FAM168A: variants seen among roughly 807,000 people sequenced by gnomAD.
The protein encoded by FAM168A is protein FAM168A.
In FAM168A, 3 loss-of-function variants were observed where a neutral mutation model predicts 28.5. The ratio of observed to expected loss-of-function variants is 0.11; its 90% CI spans 0.05 to 0.27. FAM168A has a LOEUF of 0.27. Ranked by LOEUF, FAM168A falls within the 10% of genes least tolerant of loss-of-function variation. The pLI is 1.00. For synonymous variants in FAM168A, 122 were observed against 124.2 expected (o/e 0.98, Z 0.12); for missense variants, 222 against 311.5 (o/e 0.71, Z 2.16).
intron 1 of FAM168A, among the ~76,000 whole-genome samples, chr11:73,588,713 A>G (rs1480478764): frequency 2.0e-5 from 3 of 152,178 alleles, no homozygotes; most frequent in Non-Finnish European, 4.4e-5. Context: ...CAATAACTCA[A>G]TAATATAGAC....
intron 1 of FAM168A, among the ~76,000 whole-genome samples, chr11:73,586,189 A>G (rs1478618552): frequency 6.6e-6 from 1 of 152,182 alleles, no homozygotes; most frequent in East Asian, 1.9e-4. Context: ...GGAGGCAGAA[A>G]AGTCTGGGGA....
At chr11:73,448,874 C>T (rs938514032) in intron 2 of FAM168A, among the ~76,000 whole-genome samples, 4 of 152,192 alleles carry the variant, frequency 2.6e-5, no homozygotes, top group Non-Finnish European at 5.9e-5. Flanking sequence ...GACCTTCAGA[C>T]TTCTTTTTAT....
At chr11:73,407,955 T>A (rs1047992991) in intron 6 of FAM168A, among the ~76,000 whole-genome samples, 1 of 152,226 alleles carries the variant, frequency 6.6e-6, no homozygotes, top group African/African-American at 2.4e-5. Flanking sequence ...CACTGCAGCC[T>A]CTGCCTCCTG....
At chr11:73,413,883 C>T (rs7937066) in intron 4 of FAM168A, among the ~76,000 whole-genome samples, 46,451 of 151,982 alleles carry the variant, frequency 0.31, 9,471 homozygotes, top group African/African-American at 0.58. Flanking sequence ...CTGGGTAACA[C>T]AGACAGACTA....
At chr11:73,408,423 A>C (rs1009394454) in intron 6 of FAM168A, among the ~76,000 whole-genome samples, 5 of 152,184 alleles carry the variant, frequency 3.3e-5, no homozygotes, top group African/African-American at 1.2e-4. Context: ...AATAAAATCC[A>C]AATGCTCACT....
intron 2 of FAM168A, among the ~76,000 whole-genome samples, chr11:73,441,263 TG>T (rs1452578221): frequency 6.6e-6 from 1 of 152,168 alleles, no homozygotes; most frequent in Non-Finnish European, 1.5e-5. Context: ...TTCACCACGT[TG>T]GCCAAGATGG....
chr11:73,585,871 C>CAA (rs11358691), intron 1 of FAM168A, among the ~76,000 whole-genome samples: 32 of 81,658 alleles, frequency 3.9e-4, no homozygotes, highest in Non-Finnish European at 4.6e-4. Context: ...CCATCTCAAA[C>CAA]AAAAAAAAAA....
chr11:73,446,000 A>G (rs1867305992), intron 2 of FAM168A, among the ~76,000 whole-genome samples: 1 of 152,236 alleles, frequency 6.6e-6, no homozygotes, highest in Non-Finnish European at 1.5e-5. Context: ...AAGAGAATGA[A>G]GGTAGGGAAA....
chr11:73,408,894 C>G (rs1453719279), intron 6 of FAM168A, among the ~76,000 whole-genome samples: 1 of 152,014 alleles, frequency 6.6e-6, no homozygotes, highest in Non-Finnish European at 1.5e-5. Context: ...AAGAACATTG[C>G]CCCTGTGTCT....
intron 2 of FAM168A, among the ~76,000 whole-genome samples, chr11:73,435,216 G>A (rs1177144865): frequency 6.6e-6 from 1 of 152,190 alleles, no homozygotes; most frequent in Non-Finnish European, 1.5e-5. Flanking sequence ...TTTTAGAACT[G>A]AGGTAGCTAA....
chr11:73,440,260 A>G (rs2134527434), intron 2 of FAM168A, among the ~76,000 whole-genome samples: 1 of 152,304 alleles, frequency 6.6e-6, no homozygotes, highest in South Asian at 2.1e-4. Flanking sequence ...AACAAAATAT[A>G]TTAGAACACT....
At chr11:73,517,615 T>A (rs1252380646) in intron 1 of FAM168A, among the ~76,000 whole-genome samples, 2 of 152,104 alleles carry the variant, frequency 1.3e-5, no homozygotes, top group Non-Finnish European at 2.9e-5. Flanking sequence ...ACTCCTAACA[T>A]GCAGAAATAA....
At position 73,570,011 on chromosome 11, in the gene FAM168A, T is replaced by C. The variant is rs76752351; in HGVS notation, c.-19+27912A>G. On this transcript the variant is annotated intron_variant, in intron 1 of 7. Coordinates refer to ENST00000356467, the MANE Select transcript of FAM168A (RefSeq NM_015159.3). ...CTTGTGTAATTAACTCATCTTACTTTTCCTAACCTATAGAATGGATATGAA... is the reference window on the plus strand; with the variant it reads ...CTTGTGTAATTAACTCATCTTACTTCTCCTAACCTATAGAATGGATATGAA... Among the ~76,000 whole-genome samples the C allele has an allele frequency of 3.0e-4, 45 of 152,300 alleles. No homozygotes were observed. The East Asian group carries it at 8.7e-3, about 29-fold the overall frequency.
chr11:73,567,445 G>T (rs1590735544), intron 1 of FAM168A, among the ~76,000 whole-genome samples: 2 of 152,254 alleles, frequency 1.3e-5, no homozygotes, highest in Admixed American at 1.3e-4. Flanking sequence ...TTACCTCAAA[G>T]AAATTCTCAA....
intron 1 of FAM168A, among the ~76,000 whole-genome samples, chr11:73,470,461 CAG>C (rs1219155237): frequency 6.6e-6 from 1 of 152,124 alleles, no homozygotes; most frequent in Non-Finnish European, 1.5e-5. Flanking sequence ...ACCATTTTAA[CAG>C]TAATTAAGAT....
chr11:73,466,801 A>G (rs189281601), intron 2 of FAM168A, among the ~76,000 whole-genome samples: 4 of 152,274 alleles, frequency 2.6e-5, no homozygotes, highest in Non-Finnish European at 5.9e-5. Context: ...CAGGAAGTCT[A>G]TGTAGTAAGC....
chr11:73,547,500 C>A (rs2134687833), intron 1 of FAM168A, among the ~76,000 whole-genome samples: 1 of 152,014 alleles, frequency 6.6e-6, no homozygotes, highest in South Asian at 2.1e-4. Flanking sequence ...AAGCTTCCTC[C>A]AAAAATTAAA....
Position 73,403,800 on chromosome 11 carries a change from A to G in FAM168A, c.*2963T>C, listed in dbSNP as rs1866455398. The G allele has an allele frequency of 6.6e-6, 1 of 152,190 alleles. No individual in the cohort carries two copies. The highest frequency in any genetic ancestry group is 6.5e-5 in the Admixed American group (1 of 15,276). 9.4% of individuals were successfully genotyped at this position (152,190 alleles called of 1,614,324 possible). A position where few individuals can be genotyped will look rare whatever the true frequency, so the allele number is the denominator to read the frequency against. On this transcript the variant is annotated 3_prime_UTR_variant, in exon 8 of 8. Transcript: ENST00000356467. ...TGAGGCCGGCTGAACTGGGGCTCAT[A>G]CTGAAAAAGGGGTGCTGGACCTGGG...
intron 2 of FAM168A, among the ~76,000 whole-genome samples, chr11:73,444,800 T>C (rs1867269419): frequency 6.6e-6 from 1 of 152,168 alleles, no homozygotes; most frequent in Admixed American, 6.5e-5. Flanking sequence ...ATACTCTCAT[T>C]TTTGTTGAAA....
Sources: allele counts gnomAD v4.1 joint callset (sites outside exome capture counted in the v4.1 genomes callset), GRCh38; gene constraint gnomAD v4.1.1; transcripts MANE v1.5; gene names NCBI Gene and HGNC (gene_info 2026-07-23, HGNC 2026-07-21).